The following ARHGEF4 variants were observed in gnomAD, a reference collection of about 807,000 sequenced individuals.
The protein encoded by ARHGEF4 is Rho guanine nucleotide exchange factor 4.
ARHGEF4 carries 119 observed loss-of-function variants against 162.0 expected under a neutral mutation model. That is an observed-to-expected ratio of 0.73 (90% CI 0.63 to 0.86). The LOEUF (loss-of-function observed/expected upper bound fraction) is 0.86, where lower values mean the gene tolerates loss of function less well. Ranked by LOEUF, ARHGEF4 falls within the 40% of genes least tolerant of loss-of-function variation. The pLI is 0.00. For synonymous variants in ARHGEF4, 1,014 were observed against 979.9 expected (o/e 1.03, Z -0.65); for missense variants, 2,488 against 2,456.0 (o/e 1.01, Z -0.28).
intron 4 of ARHGEF4, among the ~76,000 whole-genome samples, chr2:131,016,214 C>A (rs537278301): frequency 6.6e-6 from 1 of 152,318 alleles, no homozygotes; most frequent in South Asian, 2.1e-4. Flanking sequence ...CCTGGTTGGG[C>A]CTCCTGTGCC....
At chr2:130,917,553 G>C (rs1574225190) in intron 2 of ARHGEF4, 55 bp downstream of exon 2, 1 of 1,487,532 alleles carries the variant, frequency 6.7e-7, no homozygotes. Flanking sequence ...AAGAGAAGGA[G>C]GGGAGCAGGC....
chr2:131,016,407 A>T (rs1688779483), intron 4 of ARHGEF4, among the ~76,000 whole-genome samples: 1 of 152,220 alleles, frequency 6.6e-6, no homozygotes, highest in Admixed American at 6.5e-5. Flanking sequence ...GCAGACGTGA[A>T]CTGGAAGCAC....
chr2:130,978,077 G>T (rs547557616), intron 4 of ARHGEF4, among the ~76,000 whole-genome samples: 1 of 152,188 alleles, frequency 6.6e-6, no homozygotes, highest in Admixed American at 6.5e-5. Context: ...CCTTTTCTGA[G>T]GAAGGAACTC....
chr2:130,917,202 C>T lies in ARHGEF4; in HGVS notation c.3256C>T (p.Pro1086Ser). The T allele has an allele frequency of 1.0e-5, 16 of 1,550,530 alleles. No homozygotes were observed. The highest frequency in any genetic ancestry group is 1.4e-5 in the Non-Finnish European group (16 of 1,146,982). ...CCTGGCATATGAAAACCCCGGGACG[C>T]CCTGCAGACCCACGAGCCCCAAGCC... Reference protein sequence around the residue: ...CCLAYENPGTPCRPTSPKPLS... With the variant: ...CCLAYENPGTSCRPTSPKPLS... The change falls in exon 2 of 14, where the codon CCC becomes TCC. Residue 1086 changes from proline (P) to serine (S), a missense_variant. This residue lies in a region of ARHGEF4 where 1,642 missense variants were observed against 1,481.5 expected (regional missense o/e 1.11). Transcript: ENST00000409359.
At chr2:130,963,659 G>A (rs1165664320) in intron 4 of ARHGEF4, 2 of 146,430 alleles carry the variant, frequency 1.4e-5, no homozygotes, top group African/African-American at 4.9e-5. Context: ...GCCTGCGTGC[G>A]CGCGTGCGTG....
intron 1 of ARHGEF4, among the ~76,000 whole-genome samples, chr2:130,853,054 C>G (rs562486266): frequency 6.6e-6 from 1 of 152,308 alleles, no homozygotes; most frequent in Admixed American, 6.5e-5. Context: ...TGTCCAGCAC[C>G]AAGGCCATGC....
intron 1 of ARHGEF4, among the ~76,000 whole-genome samples, chr2:130,894,329 G>A (rs757372089): frequency 2.6e-5 from 4 of 152,128 alleles, no homozygotes; most frequent in African/African-American, 9.6e-5. Context: ...TCAGGAGGGG[G>A]ATGTTCACTA....
chr2:130,837,621 C>T (rs1316179602), intron 1 of ARHGEF4: 1 of 451,538 alleles, frequency 2.2e-6, no homozygotes, highest in Admixed American at 2.4e-5. Context: ...GCTGCCCCCA[C>T]AGGAACCCCA....
At chr2:130,958,571 G>T (rs1021284211) in intron 4 of ARHGEF4, among the ~76,000 whole-genome samples, 2 of 151,886 alleles carry the variant, frequency 1.3e-5, no homozygotes, top group Non-Finnish European at 2.9e-5. Flanking sequence ...CACCATGCCT[G>T]GCTAATTTTT....
At chr2:130,874,746 A>G (rs966696328) in intron 1 of ARHGEF4, among the ~76,000 whole-genome samples, 1 of 152,150 alleles carries the variant, frequency 6.6e-6, no homozygotes, top group African/African-American at 2.4e-5. Flanking sequence ...TCACCACAGC[A>G]TTGGTCATGC....
chr2:130,913,514 TTTG>T (rs1020208990), intron 1 of ARHGEF4, among the ~76,000 whole-genome samples: 5 of 152,204 alleles, frequency 3.3e-5, no homozygotes, highest in Admixed American at 6.5e-5. Context: ...TTTGTGTTTT[TTTG>T]TTGTTGTTGT....
intron 1 of ARHGEF4, among the ~76,000 whole-genome samples, chr2:130,889,931 G>T (rs1449397966): frequency 6.6e-6 from 1 of 151,684 alleles, no homozygotes; most frequent in Non-Finnish European, 1.5e-5. Flanking sequence ...CTGTTTTCTG[G>T]CTCCTATTGA....
rs1681547472 is a variant in ARHGEF4, at chr2:130,917,104, TGGC to T, written c.3160_3162del (p.Ala1054del). 6.4e-7 allele frequency: 1 copy of T among 1,550,404 alleles called. No individual in the cohort carries two copies. Among genetic ancestry groups the T allele is most frequent in the Non-Finnish European group, 8.7e-7 (1 of 1,146,988 alleles). ...GGTATCTTTCCGGAAAAGTCCTGGC[TGGC>T]GTCCCCCGGCAGCCCTCGGGCCCAG... On this transcript the variant is annotated inframe_deletion, in exon 2 of 14. Transcript: ENST00000409359.
intron 4 of ARHGEF4, among the ~76,000 whole-genome samples, chr2:131,027,213 G>C (rs189244443): frequency 6.6e-6 from 1 of 152,352 alleles, no homozygotes; most frequent in African/African-American, 2.4e-5. Context: ...ACACAAGACT[G>C]TGTGGCAGTG....
Position 130,915,703 on chromosome 2 carries a change from T to C in ARHGEF4, c.1757T>C (p.Leu586Pro). 1 of 1,550,230 alleles carries C rather than the reference T, an allele frequency of 6.5e-7. No individual in the cohort carries two copies. The highest frequency in any genetic ancestry group is 8.7e-7 in the Non-Finnish European group (1 of 1,146,834). ...TACAGGGAACAGGCTTTGCAAGGTC[T>C]TTCAGAATTCAAGGCAGCCACGGTG... The part of the protein sequence containing the change: ...PNYREQALQG[L>P]SEFKAATVSH... Residue 586 changes from leucine to proline, a missense_variant, in exon 2 of 14, where the codon CTT becomes CCT. Leu to Pro is a moderately conservative substitution (Grantham distance 98). This residue lies in a region of ARHGEF4 where 1,642 missense variants were observed against 1,481.5 expected (regional missense o/e 1.11). Transcript: ENST00000409359.
chr2:130,884,784 GTTGCTGGTGGCCC>G (rs1679407505), intron 1 of ARHGEF4, among the ~76,000 whole-genome samples: 3 of 152,226 alleles, frequency 2.0e-5, no homozygotes, highest in Admixed American at 6.5e-5. Context: ...CCAGCAGAAT[GTTGCTGGTGGCCC>G]TTGAGGCCGG....
In ARHGEF4 at chr2:131,022,501, C is replaced by CT. The variant is rs1359621791; in HGVS notation, c.3986-5442dup. Among the ~76,000 whole-genome samples, 4 of 152,124 alleles carry CT rather than the reference C, an allele frequency of 2.6e-5. No individual in the cohort carries two copies. The East Asian group carries it at 7.7e-4, about 29-fold the overall frequency. On this transcript the variant is annotated intron_variant, in intron 4 of 13. Transcript: ENST00000409359. Reference sequence around the variant, plus strand: ...ATTTCTGTAAAATAGGTAGTCATGTCTTACTTTGCTCATCAAAACTTTTGA... The same window carrying CT: ...ATTTCTGTAAAATAGGTAGTCATGTCTTTACTTTGCTCATCAAAACTTTTGA...
intron 13 of ARHGEF4, chr2:131,045,725 T>C: frequency 6.9e-7 from 1 of 1,438,986 alleles, no homozygotes; most frequent in South Asian, 1.5e-5. Flanking sequence ...CTGACAGGCA[T>C]CTGGGGTTGG....
At position 131,011,619 on chromosome 2, in the gene ARHGEF4, A is replaced by G; in HGVS notation, c.3986-16326A>G. 2.6e-6 allele frequency: 4 copies of G among 1,530,464 alleles called. No individual in the cohort carries two copies. The South Asian group carries it at 3.6e-5, about 14-fold the overall frequency. 94.8% of individuals were successfully genotyped at this position (1,530,464 alleles called of 1,614,324 possible). A position where few individuals can be genotyped will look rare whatever the true frequency, so the allele number is the denominator to read the frequency against. On this transcript the variant is annotated intron_variant, in intron 4 of 13. Coordinates refer to ENST00000409359, the MANE Select transcript of ARHGEF4 (RefSeq NM_001367493.1). The stretch of plus-strand genomic sequence containing the variant: ...AATCCCCCCATTGGTCGTTCCTGGT[A>G]GCTTCTCTCAAAACTGGTTAACTGA...
Sources: allele counts gnomAD v4.1 joint callset (sites outside exome capture counted in the v4.1 genomes callset), GRCh38; gene constraint gnomAD v4.1.1; regional missense constraint gnomAD v4.1.1; transcripts MANE v1.5; gene names NCBI Gene and HGNC (gene_info 2026-07-23, HGNC 2026-07-21).